Variants in KCNAB2 observed in about 807,000 individuals in gnomAD.
KCNAB2 encodes the protein voltage-gated potassium channel subunit beta-2.
KCNAB2 carries 29 observed loss-of-function variants against 63.6 expected under a neutral mutation model. The ratio of observed to expected loss-of-function variants is 0.46; its 90% confidence interval spans 0.34 to 0.62. The LOEUF is 0.62. Among genes scored for constraint, KCNAB2 ranks in the 20% least tolerant of loss-of-function variants. The probability of loss-of-function intolerance (pLI) is 0.01; values close to 1 mark genes in which losing one functional copy is unlikely to be tolerated. For missense variants in KCNAB2, 359 were observed against 563.9 expected, an observed-to-expected ratio of 0.64 and a Z score of 3.68; for synonymous variants, 222 against 224.2, an observed-to-expected ratio of 0.99 and a Z score of 0.09.
At chr1:6,044,682 A>C (rs1660773901), upstream of KCNAB2, among the ~76,000 whole-genome samples, 2 of 152,308 alleles carry the variant, frequency 1.3e-5, no homozygotes, top group Admixed American at 1.3e-4. Context: ...CAGGGGTCAG[A>C]GATCTGCTCT....
chr1:6,019,653 T>TA (rs1658708969), intron 1 of KCNAB2, among the ~76,000 whole-genome samples: 1 of 152,212 alleles, frequency 6.6e-6, no homozygotes, highest in Non-Finnish European at 1.5e-5. Context: ...TCTTCACTGA[T>TA]ACAGCACCAA....
chr1:6,054,894 C>T (rs1034160153), intron 2 of KCNAB2, among the ~76,000 whole-genome samples: 3 of 152,106 alleles, frequency 2.0e-5, no homozygotes, highest in African/African-American at 4.8e-5. Flanking sequence ...GAAAAGGGGG[C>T]GCCATGCAAA....
intron 2 of KCNAB2, chr1:6,040,735 G>T (rs749860065): frequency 3.7e-6 from 3 of 804,604 alleles, no homozygotes; most frequent in Non-Finnish European, 6.3e-6. Context: ...CCCCTCTGGA[G>T]GTGGAAGGGC....
At chr1:6,089,970 G>A (rs1409996343) in intron 8 of KCNAB2, among the ~76,000 whole-genome samples, 1 of 152,246 alleles carries the variant, frequency 6.6e-6, no homozygotes, top group Non-Finnish European at 1.5e-5. Flanking sequence ...CCAGAGTGCT[G>A]GGATTACAGG....
chr1:6,000,411 C>T (rs1386743690), intron 1 of KCNAB2, among the ~76,000 whole-genome samples: 1 of 152,186 alleles, frequency 6.6e-6, no homozygotes, highest in African/African-American at 2.4e-5. Flanking sequence ...GTGGATGCCT[C>T]CTTATTTACA....
At position 6,096,626 on chromosome 1, in the gene KCNAB2, C is replaced by G. The variant is rs764082360; in HGVS notation, c.949-10C>G. ...TCTGTAGCTGTGCTGCTCCCCTCCC[C>G]CGCAACCAGGGCTACCAGTGGCTGA... On this transcript the variant is annotated splice_polypyrimidine_tract_variant and intron_variant, in intron 13 of 15. Coordinates refer to ENST00000378083, the MANE Select transcript of KCNAB2 (RefSeq NM_001199862.2). This position sits in a 1 kb window ranked among gnomAD's most constrained non-coding sequence, Gnocchi z 5.9. 4 of 1,608,834 alleles carry G rather than the reference C, an allele frequency of 2.5e-6. No individual in the cohort carries two copies. Among genetic ancestry groups the G allele is most frequent in the Non-Finnish European group, 3.4e-6 (4 of 1,178,070 alleles).
rs1405146721 is a variant in KCNAB2 at position 6,005,343 on chromosome 1, TG to T, written c.-53+12561del. Among the ~76,000 whole-genome samples, 8 of 10,900 alleles carry T rather than the reference TG, an allele frequency of 7.3e-4. 2 individuals are homozygous for T. The highest frequency in any genetic ancestry group is 4.9e-3 in the African/African-American group (6 of 1,214). The allele number at this position is 10,900 out of a possible 152,430, so 7.2% of individuals were successfully genotyped here. A position where few individuals can be genotyped will look rare whatever the true frequency, so the allele number is the denominator to read the frequency against. Reference sequence around the variant, plus strand: ...GCTGAGCTGAGGGGTGAGGGTAGAGTGGGGGGATGTGGGAGCTGAGCTGAGG... The same window carrying T: ...GCTGAGCTGAGGGGTGAGGGTAGAGTGGGGGATGTGGGAGCTGAGCTGAGG... On this transcript the variant is annotated intron_variant, in intron 1 of 16. Transcript: ENST00000341524.
At position 6,073,677 on chromosome 1, in the gene KCNAB2, G is replaced by T; in HGVS notation, c.263-56G>T. ...TACAGCCTGAGGTCTGAGCACCGAC[G>T]GGATAATCTGGCTTCCTGCCAGGTT... On this transcript the variant is annotated intron_variant, in intron 3 of 15. Transcript: ENST00000378083. This position sits in a 1 kb window ranked among gnomAD's most constrained non-coding sequence, Gnocchi z 5.7. 1 of 1,572,490 alleles carries T rather than the reference G, an allele frequency of 6.4e-7. No individual in the cohort carries two copies. The highest frequency in any genetic ancestry group is 8.8e-7 in the Non-Finnish European group (1 of 1,142,208).
intron 1 of KCNAB2, among the ~76,000 whole-genome samples, chr1:6,036,697 A>G (rs1660065733): frequency 6.6e-6 from 1 of 151,860 alleles, no homozygotes; most frequent in Non-Finnish European, 1.5e-5. Context: ...CACAGGAGGG[A>G]AGGCAGGTGG....
rs777400661 is a variant in KCNAB2 at position 6,086,305 on chromosome 1, G to A, written c.425+1057G>A. 7.2e-5 allele frequency: 71 copies of A among 984,882 alleles called. No homozygotes were observed. Among genetic ancestry groups the A allele is most frequent in the Non-Finnish European group, 8.3e-5 (69 of 829,816 alleles). The allele number at this position is 984,882 out of a possible 1,614,324, so 61.0% of individuals were successfully genotyped here. On this transcript the variant is annotated intron_variant, in intron 6 of 15. Transcript: ENST00000378083. The surrounding 1 kb of genome is among the most constrained non-coding windows in gnomAD (Gnocchi z 4.2). ...CTTGTCCCATCAAATTTGTTTTTTG[G>A]CAACTCTGATCCCAAAACAAATTCC... is the stretch of plus-strand genomic sequence containing the variant.
upstream of KCNAB2, among the ~76,000 whole-genome samples, chr1:6,033,055 A>G (rs1659746133): frequency 6.6e-6 from 1 of 152,248 alleles, no homozygotes; most frequent in Admixed American, 6.5e-5. Context: ...GGATCAGGCG[A>G]TATTGAACTA....
intron 1 of KCNAB2, among the ~76,000 whole-genome samples, chr1:6,037,359 CTGTGTGAGGA>C (rs1660125255): frequency 6.6e-6 from 1 of 152,252 alleles, no homozygotes; most frequent in Non-Finnish European, 1.5e-5. Flanking sequence ...TTCTGCAAGG[CTGTGTGAGGA>C]CATCCTGCCT....
intron 1 of KCNAB2, among the ~76,000 whole-genome samples, chr1:6,046,679 G>A (rs1346900739): frequency 1.3e-5 from 2 of 152,212 alleles, no homozygotes; most frequent in Admixed American, 6.5e-5. Flanking sequence ...ATCATTCTGT[G>A]TTTGCACTGA....
intron 1 of KCNAB2, among the ~76,000 whole-genome samples, chr1:6,014,982 T>C (rs959933567): frequency 1.3e-5 from 2 of 151,820 alleles, no homozygotes; most frequent in Admixed American, 6.6e-5. Flanking sequence ...ATTTGCACTT[T>C]TGCCTTAATT....
chr1:6,077,825 A>G (rs922893488), intron 4 of KCNAB2, among the ~76,000 whole-genome samples: 1 of 152,144 alleles, frequency 6.6e-6, no homozygotes, highest in Non-Finnish European at 1.5e-5. Flanking sequence ...CTTTCTAGAG[A>G]GGGCGACAGG....
At chr1:6,083,479 G>C (rs1487826886) in intron 5 of KCNAB2, among the ~76,000 whole-genome samples, 1 of 152,176 alleles carries the variant, frequency 6.6e-6, no homozygotes, top group Non-Finnish European at 1.5e-5. Context: ...GGTGAGCTGG[G>C]CAAGTTCCCT....
intron 4 of KCNAB2, among the ~76,000 whole-genome samples, chr1:6,081,333 C>G (rs1211230900): frequency 6.6e-6 from 1 of 152,232 alleles, no homozygotes; most frequent in Non-Finnish European, 1.5e-5. Flanking sequence ...ATGTCAGTTG[C>G]TCCATCTACA....
intron 15 of KCNAB2, 90 bp from the exon 16 acceptor site, chr1:6,098,395 G>A (rs906350546): frequency 1.6e-5 from 25 of 1,563,820 alleles, no homozygotes; most frequent in Middle Eastern, 1.7e-4. Context: ...CTGGCCAGCC[G>A]ACCATCTGGA....
At chr1:6,032,021 TGAAA>T (rs1000663451), upstream of KCNAB2, among the ~76,000 whole-genome samples, 2 of 152,196 alleles carry the variant, frequency 1.3e-5, no homozygotes, top group Admixed American at 6.5e-5. Context: ...CATCAGTCCC[TGAAA>T]GAGTCTCACC....
Sources: allele counts gnomAD v4.1 joint callset (sites outside exome capture counted in the v4.1 genomes callset), GRCh38; gene constraint gnomAD v4.1.1; non-coding constraint Gnocchi (gnomAD v3.1); transcripts MANE v1.5; gene names NCBI Gene and HGNC (gene_info 2026-07-23, HGNC 2026-07-21).